The following STX8 variants were observed in gnomAD, a reference collection of about 807,000 sequenced individuals.
STX8 encodes syntaxin 8.
Under a neutral mutation model 37.5 loss-of-function variants are expected in STX8, and 23 were observed. That is an observed-to-expected ratio of 0.61 (90% confidence interval 0.44 to 0.87). The LOEUF is 0.87. STX8 is among the 40% of genes least tolerant of loss of function. The pLI is 0.00. For synonymous variants in STX8, 115 were observed against 99.1 expected (o/e 1.16, Z -0.95); for missense variants, 313 against 284.7 (o/e 1.10, Z -0.71).
chr17:9,538,032 C>T (rs2142554809), intron 4 of STX8, among the ~76,000 whole-genome samples: 1 of 152,294 alleles, frequency 6.6e-6, no homozygotes, highest in Non-Finnish European at 1.5e-5. Context: ...CAATAAAGAT[C>T]TACTTAATGA....
At chr17:9,417,290 A>G (rs1306516286) in intron 6 of STX8, among the ~76,000 whole-genome samples, 2 of 152,170 alleles carry the variant, frequency 1.3e-5, no homozygotes, top group African/African-American at 4.8e-5. Flanking sequence ...AGTTAGGGCC[A>G]AAGCTTTAGT....
At chr17:9,439,519 T>C (rs1220896458) in intron 6 of STX8, among the ~76,000 whole-genome samples, 1 of 151,758 alleles carries the variant, frequency 6.6e-6, no homozygotes, top group East Asian at 1.9e-4. Flanking sequence ...ACTACTGTAC[T>C]TACTGCCATA....
rs1162786883 is a variant in STX8 at position 9,255,561 on chromosome 17, A to AATAT, written c.644-4917_644-4916insATAT. On this transcript the variant is annotated intron_variant, in intron 7 of 7. Transcript: ENST00000306357. The stretch of plus-strand genomic sequence containing the variant: ...AAATAAATAAATAAATAAATATATA[A>AATAT]ATAAATAAATAAATAAATAAATAAA... 1.4e-3 allele frequency among the ~76,000 whole-genome samples: 201 copies of AATAT among 140,012 alleles called. 1 individual carries two copies. The highest frequency in any genetic ancestry group is 2.0e-3 in the African/African-American group (68 of 33,500). The allele number at this position is 140,012 out of a possible 152,430, so 91.9% of individuals were successfully genotyped here. A position where few individuals can be genotyped will look rare whatever the true frequency, so the allele number is the denominator to read the frequency against.
intron 6 of STX8, among the ~76,000 whole-genome samples, chr17:9,475,268 A>G (rs1431351218): frequency 6.6e-6 from 1 of 152,192 alleles, no homozygotes; most frequent in Non-Finnish European, 1.5e-5. Flanking sequence ...TAGAGTTGGG[A>G]CTGTATTGAC....
intron 6 of STX8, among the ~76,000 whole-genome samples, chr17:9,448,298 A>G: frequency 6.6e-6 from 1 of 152,190 alleles, no homozygotes; most frequent in East Asian, 1.9e-4. Context: ...GTCATTCGTG[A>G]ACATGCACAG....
chr17:9,508,782 G>T (rs926035835), intron 4 of STX8, among the ~76,000 whole-genome samples: 1 of 152,176 alleles, frequency 6.6e-6, no homozygotes, highest in African/African-American at 2.4e-5. Context: ...GAGAAAAGAA[G>T]GGCAAATGTA....
At chr17:9,343,653 G>A (rs139257858) in intron 7 of STX8, among the ~76,000 whole-genome samples, 1 of 152,094 alleles carries the variant, frequency 6.6e-6, no homozygotes, top group Non-Finnish European at 1.5e-5. Flanking sequence ...TCAAACCTGC[G>A]ATGGGGAAAG....
chr17:9,321,556 G>C (rs1567782600), intron 7 of STX8, among the ~76,000 whole-genome samples: 1 of 151,690 alleles, frequency 6.6e-6, no homozygotes, highest in Non-Finnish European at 1.5e-5. Context: ...GTCTCCCCCT[G>C]TCGCCCAGGC....
At chr17:9,474,616 C>T (rs533648774) in intron 6 of STX8, among the ~76,000 whole-genome samples, 2 of 152,354 alleles carry the variant, frequency 1.3e-5, no homozygotes, top group South Asian at 2.1e-4. Context: ...ACTGTTCTAA[C>T]TTCAGATACC....
chr17:9,434,998 C>T (rs559407057), intron 6 of STX8, among the ~76,000 whole-genome samples: 3 of 152,260 alleles, frequency 2.0e-5, no homozygotes, highest in African/African-American at 7.2e-5. Flanking sequence ...ACTTTCATCA[C>T]CATTTGCTGG....
chr17:9,352,676 A>AT (rs762566757), intron 7 of STX8, among the ~76,000 whole-genome samples: 136 of 147,944 alleles, frequency 9.2e-4, no homozygotes, highest in Non-Finnish European at 1.5e-3. Flanking sequence ...ATTTTTTTGT[A>AT]TTTTTTTAGT....
chr17:9,448,602 A>T (rs1215622135), intron 6 of STX8, among the ~76,000 whole-genome samples: 4 of 151,906 alleles, frequency 2.6e-5, no homozygotes. Flanking sequence ...CAGGAGTTCA[A>T]TGTTAACCCA....
rs1024535354 is a variant in STX8, at chr17:9,394,239, TTGGATGTGGGA to T, written c.542-15597_542-15587del. 2.2e-4 allele frequency among the ~76,000 whole-genome samples: 33 copies of T among 152,006 alleles called. 1 individual carries two copies. The highest frequency in any genetic ancestry group is 1.1e-3 in the Admixed American group (16 of 15,238). On this transcript the variant is annotated intron_variant, in intron 6 of 7. Transcript: ENST00000306357. ...AGTGTCAACCATGCTAAGCGCGGCT[TTGGATGTGGGA>T]GGGATGGGGAGAGAGAGCAAAGTGT...
intron 6 of STX8, among the ~76,000 whole-genome samples, chr17:9,458,188 C>T (rs1372004679): frequency 6.6e-6 from 1 of 152,142 alleles, no homozygotes; most frequent in Non-Finnish European, 1.5e-5. Flanking sequence ...CTCGCTCTGT[C>T]GTCCAGGCTG....
Position 9,325,239 on chromosome 17 carries a change from C to T in STX8, c.643+53313G>A, listed in dbSNP as rs567029512. On this transcript the variant is annotated intron_variant, in intron 7 of 7. Coordinates refer to ENST00000306357, the MANE Select transcript of STX8 (RefSeq NM_004853.3). ...TCAACTTAAGATGGGTTTATTAGAA[C>T]ATAACCCCCTCATAAGTCAAAGAGC... Among the ~76,000 whole-genome samples, 6 of 152,296 alleles carry T rather than the reference C, an allele frequency of 3.9e-5. No homozygotes were observed. The South Asian group carries it at 1.2e-3, about 32-fold the overall frequency.
intron 7 of STX8, among the ~76,000 whole-genome samples, chr17:9,297,241 C>CAAAAAAAAAAAA (rs112089232): frequency 1.1e-5 from 1 of 90,906 alleles, no homozygotes; most frequent in Non-Finnish European, 2.1e-5. Flanking sequence ...CCAGAGTTTG[C>CAAAAAAAAAAAA]AAAAAAAAAA....
chr17:9,357,138 T>C (rs1383291886), intron 7 of STX8, among the ~76,000 whole-genome samples: 1 of 151,862 alleles, frequency 6.6e-6, no homozygotes, highest in African/African-American at 2.4e-5. Context: ...TGGCTAATTT[T>C]TGTATTTTTA....
chr17:9,319,955 T>G (rs113551197), intron 7 of STX8, among the ~76,000 whole-genome samples: 1 of 150,358 alleles, frequency 6.7e-6, no homozygotes, highest in African/African-American at 2.5e-5. Context: ...ATCTCAAAAA[T>G]AAATAAATAA....
intron 6 of STX8, among the ~76,000 whole-genome samples, chr17:9,439,172 C>A (rs1426456787): frequency 6.6e-6 from 1 of 152,242 alleles, no homozygotes; most frequent in East Asian, 1.9e-4. Context: ...TATACTCTGG[C>A]ACTTCACATG....
Sources: allele counts gnomAD v4.1 joint callset (sites outside exome capture counted in the v4.1 genomes callset), GRCh38; gene constraint gnomAD v4.1.1; transcripts MANE v1.5; gene names NCBI Gene and HGNC (gene_info 2026-07-23, HGNC 2026-07-21).